RAPGEF5: variants seen among roughly 807,000 people sequenced by gnomAD.
The protein encoded by RAPGEF5 is M-Ras-regulated GEF.
A neutral mutation model predicts 125.2 loss-of-function variants in RAPGEF5; 65 were observed. The observed-to-expected ratio is 0.52, with a 90% CI of 0.43 to 0.64. The LOEUF (loss-of-function observed/expected upper bound fraction) is 0.64. Ranked by LOEUF, RAPGEF5 falls within the 30% of genes least tolerant of loss-of-function variation. RAPGEF5 has a pLI of 0.00. For synonymous variants in RAPGEF5, 391 were observed against 385.9 expected, an observed-to-expected ratio of 1.01 and a Z score of -0.16; for missense variants, 958 against 1,048.1, an observed-to-expected ratio of 0.91 and a Z score of 1.19.
intron 9 of RAPGEF5, among the ~76,000 whole-genome samples, chr7:22,210,289 G>C (rs1423367140): frequency 1.3e-5 from 2 of 152,208 alleles, no homozygotes; most frequent in Non-Finnish European, 2.9e-5. Context: ...ATTATGCATT[G>C]TGCCATTTGG....
intron 1 of RAPGEF5, among the ~76,000 whole-genome samples, chr7:22,318,529 A>G (rs927749549): frequency 6.6e-6 from 1 of 152,130 alleles, no homozygotes; most frequent in Non-Finnish European, 1.5e-5. Flanking sequence ...CTTATTGCTT[A>G]TCCGAGTTAA....
At chr7:22,154,739 A>G in intron 16 of RAPGEF5, 135 bp from the exon 17 acceptor site, 1 of 910,218 alleles carries the variant, frequency 1.1e-6, no homozygotes, top group Non-Finnish European at 1.6e-6. Flanking sequence ...ACACATACAG[A>G]GTTAGATTTT....
rs144859917 is a variant in RAPGEF5 at position 22,289,442 on chromosome 7, C to G, written c.747+1733G>C. Among the ~76,000 whole-genome samples, 540 of 152,302 alleles carry G rather than the reference C, an allele frequency of 3.5e-3. 4 individuals carry two copies. Among genetic ancestry groups the G allele is most frequent in the African/African-American group, 0.012 (510 of 41,560 alleles). The stretch of plus-strand genomic sequence containing the variant: ...TCGTATCTATAAAATAGACATAATA[C>G]CACCTACTTCATAGTGCTGTTGTAC... On this transcript the variant is annotated intron_variant, in intron 6 of 25. Transcript: ENST00000665637.
chr7:22,334,061 G>A (rs1267279684), intron 1 of RAPGEF5, among the ~76,000 whole-genome samples: 1 of 152,228 alleles, frequency 6.6e-6, no homozygotes, highest in Non-Finnish European at 1.5e-5. Context: ...GAGAGCTGCT[G>A]AATAAAACTA....
In RAPGEF5 at chr7:22,231,591, A is replaced by T. The variant is rs565069010; in HGVS notation, c.797-672T>A. Reference sequence around the variant, plus strand: ...GCTTATGTATTGCTTATCTCATGGCATCTGAACTTCTCCTGCTCATCACTG... The same window carrying T: ...GCTTATGTATTGCTTATCTCATGGCTTCTGAACTTCTCCTGCTCATCACTG... On this transcript the variant is annotated intron_variant, in intron 7 of 25. Transcript: ENST00000665637. Among the ~76,000 whole-genome samples, 29 of 152,326 alleles carry T rather than the reference A, an allele frequency of 1.9e-4. No homozygotes were observed. The South Asian group carries it at 5.2e-3, about 27-fold the overall frequency.
rs996080357 is a variant in RAPGEF5, at chr7:22,207,830, G to A, written c.996+12036C>T. 2.6e-5 allele frequency among the ~76,000 whole-genome samples: 4 copies of A among 152,176 alleles called. 1 individual carries two copies. The South Asian group carries it at 8.3e-4, about 31-fold the overall frequency. ...AAACTCCAATATGCAACCTCCTTTA[G>A]ATTTGAGATTTATAATCTTTGTCAT... On this transcript the variant is annotated intron_variant, in intron 9 of 25. Transcript: ENST00000665637.
chr7:22,285,026 C>T (rs895395442), intron 6 of RAPGEF5, among the ~76,000 whole-genome samples: 1 of 152,096 alleles, frequency 6.6e-6, no homozygotes. Flanking sequence ...TTAGCCTAGC[C>T]TGCCTTAAAC....
intron 7 of RAPGEF5, among the ~76,000 whole-genome samples, chr7:22,250,848 T>C (rs987260637): frequency 1.8e-4 from 27 of 152,152 alleles, no homozygotes; most frequent in Non-Finnish European, 2.5e-4. Flanking sequence ...TCCAGCATGG[T>C]ACTCTAGTCA....
chr7:22,268,303 T>A (rs1037897794), intron 6 of RAPGEF5, among the ~76,000 whole-genome samples: 1 of 152,186 alleles, frequency 6.6e-6, no homozygotes, highest in Non-Finnish European at 1.5e-5. Context: ...CCTTAGGAGT[T>A]TGAGCTCTGA....
At chr7:22,280,780 G>A (rs1245996724) in intron 6 of RAPGEF5, among the ~76,000 whole-genome samples, 2 of 151,942 alleles carry the variant, frequency 1.3e-5, no homozygotes, top group Non-Finnish European at 2.9e-5. Flanking sequence ...TTTATGTCTG[G>A]GAATGTTTCT....
intron 8 of RAPGEF5, among the ~76,000 whole-genome samples, chr7:22,227,591 G>C: frequency 6.6e-6 from 1 of 152,194 alleles, no homozygotes; most frequent in Middle Eastern, 3.4e-3. Flanking sequence ...TGTAATCTCG[G>C]TACCTGGGGA....
intron 6 of RAPGEF5, among the ~76,000 whole-genome samples, chr7:22,283,575 T>C (rs1292819155): frequency 1.3e-5 from 2 of 152,200 alleles, no homozygotes; most frequent in Non-Finnish European, 2.9e-5. Flanking sequence ...GAAACATTCA[T>C]GGATCATCCT....
At chr7:22,139,218 CT>C (rs1006122805) in intron 21 of RAPGEF5, among the ~76,000 whole-genome samples, 61 of 152,190 alleles carry the variant, frequency 4.0e-4, no homozygotes, top group African/African-American at 1.4e-3. Context: ...TCTGAGAGGA[CT>C]GTGAGGGAGG....
chr7:22,122,959 G>A (rs773088166), intron 25 of RAPGEF5, among the ~76,000 whole-genome samples: 5 of 152,022 alleles, frequency 3.3e-5, no homozygotes, highest in African/African-American at 9.7e-5. Flanking sequence ...GTTGAAAATC[G>A]CTGATAATGT....
intron 1 of RAPGEF5, among the ~76,000 whole-genome samples, chr7:22,335,558 G>A (rs929519742): frequency 7.2e-5 from 11 of 152,048 alleles, no homozygotes; most frequent in Non-Finnish European, 1.6e-4. Flanking sequence ...CTGGGGACAA[G>A]GTGGGGTGGG....
intron 1 of RAPGEF5, among the ~76,000 whole-genome samples, chr7:22,347,755 C>T (rs1318952458): frequency 6.6e-6 from 1 of 152,110 alleles, no homozygotes; most frequent in African/African-American, 2.4e-5. Context: ...ACCATGAGAC[C>T]ATCTGCGACA....
intron 7 of RAPGEF5, among the ~76,000 whole-genome samples, chr7:22,256,437 G>T (rs1191375666): frequency 6.6e-6 from 1 of 152,172 alleles, no homozygotes; most frequent in Admixed American, 6.5e-5. Flanking sequence ...AATCACTGAG[G>T]TTACCAAATT....
At chr7:22,267,683 C>T (rs989963836) in intron 6 of RAPGEF5, among the ~76,000 whole-genome samples, 1 of 152,036 alleles carries the variant, frequency 6.6e-6, no homozygotes, top group Non-Finnish European at 1.5e-5. Flanking sequence ...CACTTAAATC[C>T]GTCCTTGAAA....
At chr7:22,342,755 C>T (rs1447358749) in intron 1 of RAPGEF5, among the ~76,000 whole-genome samples, 4 of 152,212 alleles carry the variant, frequency 2.6e-5, no homozygotes, top group Non-Finnish European at 5.9e-5. Flanking sequence ...GTCACCTTTG[C>T]TCCAGTTCCC....
Sources: gnomAD v4.1 joint callset for allele counts (sites outside exome capture counted in the v4.1 genomes callset) on GRCh38, gnomAD v4.1.1 for gene constraint, MANE v1.5 for transcripts, NCBI Gene and HGNC (gene_info 2026-07-23, HGNC 2026-07-21) for gene names.